PPCDC: variants seen among roughly 807,000 people sequenced by gnomAD.
PPCDC encodes phosphopantothenoylcysteine decarboxylase.
A neutral mutation model predicts 20.7 loss-of-function variants in PPCDC; 20 were observed. That is an observed-to-expected ratio of 0.97 (90% CI 0.68 to 1.41). The LOEUF (loss-of-function observed/expected upper bound fraction) is 1.41, where lower values mean the gene tolerates loss of function less well. PPCDC is among the 40% of genes most tolerant of loss of function. PPCDC has a pLI of 0.00. For synonymous variants in PPCDC, 88 were observed against 100.3 expected (o/e 0.88, Z 0.73); for missense variants, 246 against 263.8 (o/e 0.93, Z 0.47).
At chr15:75,048,508 GCAGA>G (rs1248105847) in intron 4 of PPCDC, 41 bp from the exon 5 acceptor site, 1 of 1,591,898 alleles carries the variant, frequency 6.3e-7, no homozygotes. Flanking sequence ...GGGGAGGGTG[GCAGA>G]CAGAGTAGCA....
chr15:75,042,691 T>A (rs1010377910), intron 2 of PPCDC, among the ~76,000 whole-genome samples: 24 of 151,478 alleles, frequency 1.6e-4, no homozygotes, highest in Middle Eastern at 3.2e-3. Flanking sequence ...TTACAAATGA[T>A]AGCCAACCCA....
At chr15:75,048,429 G>A (rs2066267214) in intron 4 of PPCDC, 124 bp from the exon 5 acceptor site, 1 of 1,320,016 alleles carries the variant, frequency 7.6e-7, no homozygotes, top group Non-Finnish European at 1.0e-6. Flanking sequence ...ACAGCTCCCT[G>A]CAGGCAGGCT....
chr15:75,046,072 G>A (rs368541298), intron 4 of PPCDC, among the ~76,000 whole-genome samples: 1 of 151,146 alleles, frequency 6.6e-6, no homozygotes. Context: ...AAATTAGCCA[G>A]GTGTGGTGGT....
chr15:75,043,243 C>T lies in PPCDC; in HGVS notation c.136-198C>T, dbSNP rs1478660820. 5.7e-6 allele frequency: 3 copies of T among 530,220 alleles called. No individual in the cohort carries two copies. The East Asian group carries it at 1.0e-4, about 18-fold the overall frequency. 32.8% of individuals were successfully genotyped at this position (530,220 alleles called of 1,614,324 possible). A position where few individuals can be genotyped will look rare whatever the true frequency, so the allele number is the denominator to read the frequency against. ...AGATAGGGAAGTGAAACAGCCACAC[C>T]TGATAGGGCCTGACCTTTGGGTGAC... On this transcript the variant is annotated intron_variant, in intron 2 of 5. Transcript: ENST00000342932.
intron 1 of PPCDC, among the ~76,000 whole-genome samples, chr15:75,027,031 G>A (rs954600029): frequency 2.6e-5 from 4 of 152,136 alleles, no homozygotes; most frequent in African/African-American, 4.8e-5. Flanking sequence ...CAGGACTGCC[G>A]GCTAGTGGAC....
rs2066301342 is a variant in PPCDC at position 75,050,477 on chromosome 15, G to A, written c.*1242G>A. 1 of 152,430 alleles carries A rather than the reference G, an allele frequency of 6.6e-6. No homozygotes were observed. Among genetic ancestry groups the A allele is most frequent in the African/African-American group, 2.4e-5 (1 of 41,462 alleles). The allele number at this position is 152,430 out of a possible 1,614,324, so 9.4% of individuals were successfully genotyped here. ...TGGCTGCAGCGGGGAGGGCTTGTCTGCGTATTTGGAGCTGAGGCTGAGGCT... is the reference window on the plus strand; with the variant it reads ...TGGCTGCAGCGGGGAGGGCTTGTCTACGTATTTGGAGCTGAGGCTGAGGCT... On this transcript the variant is annotated 3_prime_UTR_variant, in exon 6 of 6. Coordinates refer to ENST00000342932, the MANE Select transcript of PPCDC (RefSeq NM_021823.5).
At chr15:75,032,597 T>G (rs1347290517) in intron 2 of PPCDC, among the ~76,000 whole-genome samples, 1 of 152,030 alleles carries the variant, frequency 6.6e-6, no homozygotes. Flanking sequence ...CCTTATGATT[T>G]ATGGGACAAT....
chr15:75,035,830 G>T (rs2066077896), intron 2 of PPCDC, among the ~76,000 whole-genome samples: 1 of 152,026 alleles, frequency 6.6e-6, no homozygotes, highest in South Asian at 2.1e-4. Context: ...AGCTGGGCGT[G>T]GTGGCGCACA....
chr15:75,047,301 G>A (rs550849985), intron 4 of PPCDC, among the ~76,000 whole-genome samples: 100 of 152,334 alleles, frequency 6.6e-4, no homozygotes, highest in Middle Eastern at 3.4e-3. Flanking sequence ...TAGCCCGGCT[G>A]CCGTATTGAG....
intron 4 of PPCDC, among the ~76,000 whole-genome samples, chr15:75,048,116 C>T (rs17422130): frequency 0.061 from 9,293 of 152,218 alleles, 341 homozygotes; most frequent in Admixed American, 0.11. Context: ...GTTTTGGTAA[C>T]GGCAGATGTT....
intron 3 of PPCDC, 55 bp from the exon 4 acceptor site, chr15:75,044,331 C>G: frequency 6.2e-7 from 1 of 1,602,442 alleles, no homozygotes; most frequent in Non-Finnish European, 8.5e-7. Flanking sequence ...CCTGGCCTGC[C>G]TTGGCGCTGC....
In PPCDC at chr15:75,048,555, C is replaced by T. The variant is rs753330912; in HGVS notation, c.363C>T (p.Thr121=). Residue 121 remains threonine (T), a splice_region_variant and synonymous_variant, in exon 5 of 6, where the codon ACC becomes ACT. Coordinates refer to ENST00000342932, the MANE Select transcript of PPCDC (RefSeq NM_021823.5). The part of the protein sequence containing the change: ...VASGICDNLL[T]CVMRAWDRSK... ...CACTTCCCTGGCCTTCTTCACAGAC[C>T]TGCGTCATGCGGGCCTGGGACCGCA... The T allele has an allele frequency of 3.1e-6, 5 of 1,613,732 alleles. No homozygotes were observed. The Admixed American group carries it at 8.3e-5, about 27-fold the overall frequency.
At chr15:75,041,487 T>C (rs1418353133) in intron 2 of PPCDC, among the ~76,000 whole-genome samples, 1 of 152,114 alleles carries the variant, frequency 6.6e-6, no homozygotes, top group Non-Finnish European at 1.5e-5. Context: ...AAAAATTAGC[T>C]GGGCATGGTG....
chr15:75,041,395 C>T (rs1250908551), intron 2 of PPCDC, among the ~76,000 whole-genome samples: 1 of 152,084 alleles, frequency 6.6e-6, no homozygotes. Flanking sequence ...TTTGAGAGGC[C>T]AAGGTGGGTG....
chr15:75,038,849 C>T lies in PPCDC; in HGVS notation c.136-4592C>T, dbSNP rs1595906487. Among the ~76,000 whole-genome samples, 3 of 151,904 alleles carry T rather than the reference C, an allele frequency of 2.0e-5. 1 individual carries two copies. In the East Asian group the frequency reaches 5.8e-4, roughly 29 times the overall value. On this transcript the variant is annotated intron_variant, in intron 2 of 5. Coordinates refer to ENST00000342932, the MANE Select transcript of PPCDC (RefSeq NM_021823.5). The stretch of plus-strand genomic sequence containing the variant: ...ATTCAATTTTCTCATCTTTTTTCTA[C>T]TATTATCCGTTTCTTTATCTTTTTT...
chr15:75,032,350 G>T (rs995636725), intron 2 of PPCDC, among the ~76,000 whole-genome samples: 3 of 152,188 alleles, frequency 2.0e-5, no homozygotes, highest in Admixed American at 2.0e-4. Flanking sequence ...GGTCTGTCGA[G>T]GGTGAGGAAA....
At chr15:75,034,197 G>C (rs566680312) in intron 2 of PPCDC, among the ~76,000 whole-genome samples, 2 of 152,304 alleles carry the variant, frequency 1.3e-5, no homozygotes, top group South Asian at 2.1e-4. Flanking sequence ...AGAACTGGGG[G>C]CTTGAGGCCA....
chr15:75,047,895 C>T (rs1011600123), intron 4 of PPCDC, among the ~76,000 whole-genome samples: 1 of 152,206 alleles, frequency 6.6e-6, no homozygotes, highest in Non-Finnish European at 1.5e-5. Context: ...GCTCCTTTCA[C>T]AACTGCTCAG....
intron 2 of PPCDC, among the ~76,000 whole-genome samples, chr15:75,036,968 G>A (rs1047026207): frequency 6.6e-6 from 1 of 152,110 alleles, no homozygotes. Context: ...ACCATGCCTG[G>A]CGCCCAATTT....
Sources: gnomAD v4.1 joint callset for allele counts (sites outside exome capture counted in the v4.1 genomes callset) on GRCh38, gnomAD v4.1.1 for gene constraint, MANE v1.5 for transcripts, NCBI Gene and HGNC (gene_info 2026-07-23, HGNC 2026-07-21) for gene names.